The following DDX1 variants were observed in gnomAD, a reference collection of about 807,000 sequenced individuals.
DDX1 encodes the protein DEAD-box helicase 1, also known as ATP-dependent RNA helicase DDX1.
Under a neutral mutation model 108.7 loss-of-function variants are expected in DDX1, and 28 were observed. The observed-to-expected ratio is 0.26, with a 90% CI of 0.19 to 0.35. DDX1 has a LOEUF of 0.35. Ranked by LOEUF, DDX1 falls within the 10% of genes least tolerant of loss-of-function variation. The pLI is 1.00. For missense variants in DDX1, 710 were observed against 884.5 expected (o/e 0.80, Z 2.50); for synonymous variants, 295 against 288.9 (o/e 1.02, Z -0.21).
intron 6 of DDX1, among the ~76,000 whole-genome samples, chr2:15,601,395 C>G (rs899540071): frequency 1.3e-5 from 2 of 152,180 alleles, no homozygotes; most frequent in Non-Finnish European, 1.5e-5. Context: ...AAGACTGTCC[C>G]CCACATCTGA....
Position 15,624,657 on chromosome 2 carries a change from G to A in DDX1, c.1594+1075G>A, listed in dbSNP as rs537693575. On this transcript the variant is annotated intron_variant, in intron 19 of 25. Coordinates refer to ENST00000233084, the MANE Select transcript of DDX1 (RefSeq NM_004939.3). ...TCCCTCCCACATGTGGGGATTATGG[G>A]AACTACAATTCAAGATGAGATTTGG... Among the ~76,000 whole-genome samples, 6 of 152,168 alleles carry A rather than the reference G, an allele frequency of 3.9e-5. No homozygotes were observed. The East Asian group carries it at 1.2e-3, about 29-fold the overall frequency.
chr2:15,596,641 C>G, intron 3 of DDX1, 93 bp from the exon 4 acceptor site: 1 of 1,107,236 alleles, frequency 9.0e-7, no homozygotes, highest in Non-Finnish European at 1.4e-6. Flanking sequence ...GGTAGCCAGT[C>G]AAATGTTAAA....
At chr2:15,612,156 C>T (rs1208323504) in intron 13 of DDX1, among the ~76,000 whole-genome samples, 1 of 150,804 alleles carries the variant, frequency 6.6e-6, no homozygotes, top group African/African-American at 2.4e-5. Flanking sequence ...CCCCACCTCC[C>T]TCCTGGACGG....
chr2:15,620,452 T>G (rs2148747576), intron 17 of DDX1, 56 bp downstream of exon 17: 2 of 1,397,666 alleles, frequency 1.4e-6, no homozygotes, highest in South Asian at 1.3e-5. Context: ...ATAAACTAGG[T>G]CAGCCTTGGG....
At chr2:15,604,812 C>G (rs1223339842) in intron 10 of DDX1, among the ~76,000 whole-genome samples, 1 of 152,064 alleles carries the variant, frequency 6.6e-6, no homozygotes, top group Non-Finnish European at 1.5e-5. Flanking sequence ...AGTGGAGAGT[C>G]ATAGCGGTTT....
intron 15 of DDX1, among the ~76,000 whole-genome samples, chr2:15,617,928 C>G (rs1665927296): frequency 6.6e-6 from 1 of 152,020 alleles, no homozygotes; most frequent in Non-Finnish European, 1.5e-5. Context: ...AATTTTCATT[C>G]TAGATTATTA....
intron 6 of DDX1, among the ~76,000 whole-genome samples, chr2:15,600,828 A>C (rs1405298877): frequency 7.2e-6 from 1 of 139,698 alleles, no homozygotes; most frequent in Non-Finnish European, 1.5e-5. Flanking sequence ...AGCTCACTGC[A>C]AGCTCCACCT....
Position 15,618,235 on chromosome 2 carries a change from A to G in DDX1, c.1171A>G (p.Ile391Val), listed in dbSNP as rs1283102763. The change falls in exon 16 of 26, where the codon ATT becomes GTT. Residue 391 changes from isoleucine to valine, a missense_variant. Coordinates refer to ENST00000233084, the MANE Select transcript of DDX1 (RefSeq NM_004939.3). ...TTTTATAAATAGGATGCACAATCAG[A>G]TTCCTCAGGTTACCTCTGATGGAAA... ...SDFINRMHNQIPQVTSDGKRL... is the reference protein window; with the variant it reads ...SDFINRMHNQVPQVTSDGKRL... The G allele has an allele frequency of 3.1e-6, 5 of 1,592,198 alleles. No homozygotes were observed. The highest frequency in any genetic ancestry group is 4.3e-6 in the Non-Finnish European group (5 of 1,164,172).
chr2:15,605,925 C>G, intron 10 of DDX1, 25 bp from the exon 11 acceptor site: 2 of 1,136,308 alleles, frequency 1.8e-6, no homozygotes, highest in South Asian at 1.9e-5. Flanking sequence ...TTGTTTTAAT[C>G]TCTCTCTCTC....
chr2:15,619,579 G>A (rs1370986539), intron 16 of DDX1, among the ~76,000 whole-genome samples: 3 of 152,142 alleles, frequency 2.0e-5, no homozygotes, highest in Non-Finnish European at 4.4e-5. Context: ...AGGGTCAAAG[G>A]GTTTTTGTTT....
In DDX1 at chr2:15,620,195, T is replaced by G. The variant is rs770375406; in HGVS notation, c.1207-13T>G. 4 of 1,603,372 alleles carry G rather than the reference T, an allele frequency of 2.5e-6. No individual in the cohort carries two copies. The East Asian group carries it at 8.9e-5, about 36-fold the overall frequency. On this transcript the variant is annotated splice_polypyrimidine_tract_variant and intron_variant, in intron 16 of 25. Transcript: ENST00000233084. Reference sequence around the variant, plus strand: ...ATAAAAGTTCATCTCAATTTGGGGTTTCCTCTTCTTAGGTGATTGTTTGCT... The same window carrying G: ...ATAAAAGTTCATCTCAATTTGGGGTGTCCTCTTCTTAGGTGATTGTTTGCT...
intron 6 of DDX1, among the ~76,000 whole-genome samples, chr2:15,601,340 C>G (rs1274840506): frequency 1.3e-5 from 2 of 152,170 alleles, no homozygotes; most frequent in African/African-American, 4.8e-5. Context: ...ACACCGTCTT[C>G]ATGAAGATAG....
At chr2:15,618,138 C>A in intron 15 of DDX1, 43 bp from the exon 16 acceptor site, 1 of 1,216,244 alleles carries the variant, frequency 8.2e-7, no homozygotes, top group Non-Finnish European at 1.2e-6. Context: ...CGTTTTTTTC[C>A]ATACTGATTA....
At chr2:15,620,182 C>T (rs769053321) in intron 16 of DDX1, 26 bp from the exon 17 acceptor site, 7 of 1,582,440 alleles carry the variant, frequency 4.4e-6, no homozygotes, top group Non-Finnish European at 6.0e-6. Context: ...AAAAGTTCAT[C>T]TCAATTTGGG....
rs751812147 is a variant in DDX1 at position 15,603,072 on chromosome 2, T to C, written c.392-120T>C. On this transcript the variant is annotated intron_variant, in intron 7 of 25. Coordinates refer to ENST00000233084, the MANE Select transcript of DDX1 (RefSeq NM_004939.3). ...GGGAAGGTGTTTGATGGTACAAATATACCTATAATTCTTCATTTGGTACAT... is the reference window on the plus strand; with the variant it reads ...GGGAAGGTGTTTGATGGTACAAATACACCTATAATTCTTCATTTGGTACAT... 2.7e-5 allele frequency: 18 copies of C among 672,458 alleles called. No homozygotes were observed. In the South Asian group the frequency reaches 3.3e-4, roughly 12 times the overall value. 41.7% of individuals were successfully genotyped at this position (672,458 alleles called of 1,614,324 possible). A position where few individuals can be genotyped will look rare whatever the true frequency, so the allele number is the denominator to read the frequency against.
chr2:15,591,953 C>A lies in DDX1; in HGVS notation c.16+4C>A. The A allele has an allele frequency of 7.0e-7, 1 of 1,428,134 alleles. No homozygotes were observed. 88.5% of individuals were successfully genotyped at this position (1,428,134 alleles called of 1,614,324 possible). On this transcript the variant is annotated splice_donor_region_variant and intron_variant, in intron 1 of 25. Coordinates refer to ENST00000233084, the MANE Select transcript of DDX1 (RefSeq NM_004939.3). ...GTGAAGATGGCGGCCTTCTCCGGTGCGTTTGTGGAAACTCTGGGGGTGGTG... is the reference window on the plus strand; with the variant it reads ...GTGAAGATGGCGGCCTTCTCCGGTGAGTTTGTGGAAACTCTGGGGGTGGTG...
At chr2:15,613,647 A>G (rs1461401506) in intron 14 of DDX1, among the ~76,000 whole-genome samples, 1 of 152,180 alleles carries the variant, frequency 6.6e-6, no homozygotes, top group Non-Finnish European at 1.5e-5. Flanking sequence ...AGAGAAGGAT[A>G]GAAGTTCCTG....
chr2:15,603,189 T>C lies in DDX1; in HGVS notation c.392-3T>C. 6.2e-7 allele frequency: 1 copy of C among 1,602,596 alleles called. No homozygotes were observed. Among genetic ancestry groups the C allele is most frequent in the South Asian group, 1.1e-5 (1 of 89,744 alleles). ...TAAATCTCAATGTATTTTACCCTTG[T>C]AGGGAAACACTACTATGAAGTATCC... On this transcript the variant is annotated splice_polypyrimidine_tract_variant and splice_region_variant and intron_variant, in intron 7 of 25. Transcript: ENST00000233084.
Position 15,595,497 on chromosome 2 carries a change from A to G in DDX1, c.76A>G (p.Thr26Ala), listed in dbSNP as rs147696327. The change falls in exon 3 of 26, where the codon ACT (threonine) becomes GCT (alanine). Residue 26 changes from threonine to alanine, a missense_variant. By Grantham distance (58) the Thr-to-Ala change is moderately conservative. Transcript: ENST00000233084. ...CAAATATGATTCTTTTAGCCTCCCA[A>G]CTGATATCCAGGCTGAATCTATCCC... Reference protein sequence around the residue: ...AVEEMDWLLPTDIQAESIPLI... With the variant: ...AVEEMDWLLPADIQAESIPLI... The G allele has an allele frequency of 3.6e-4, 582 of 1,610,334 alleles. 3 individuals carry two copies. In the African/African-American group the frequency reaches 4.0e-3, roughly 11 times the overall value.
Sources: gnomAD v4.1 joint callset for allele counts (sites outside exome capture counted in the v4.1 genomes callset) on GRCh38, gnomAD v4.1.1 for gene constraint, MANE v1.5 for transcripts, NCBI Gene and HGNC (gene_info 2026-07-23, HGNC 2026-07-21) for gene names.